The following THSD4 variants were observed in gnomAD, a reference collection of about 807,000 sequenced individuals.
THSD4 encodes thrombospondin type-1 domain-containing protein 4.
THSD4 carries 69 observed loss-of-function variants against 119.0 expected under a neutral mutation model. The ratio of observed to expected loss-of-function variants is 0.58; its 90% CI spans 0.48 to 0.71. The LOEUF is 0.71. THSD4 is among the 30% of genes least tolerant of loss of function. The probability of loss-of-function intolerance (pLI) is 0.00; values close to 1 mark genes in which losing one functional copy is unlikely to be tolerated. For synonymous variants in THSD4, 524 were observed against 540.4 expected (o/e 0.97, Z 0.42); for missense variants, 1,393 against 1,391.1 (o/e 1.00, Z -0.02).
intron 8 of THSD4, among the ~76,000 whole-genome samples, chr15:71,715,613 G>A (rs1246423818): frequency 6.6e-6 from 1 of 151,978 alleles, no homozygotes; most frequent in East Asian, 1.9e-4. Context: ...TTGTGTGTGT[G>A]TTGTAAAATC....
At chr15:71,434,434 C>CTTTTTTTT (rs34097873) in intron 7 of THSD4, among the ~76,000 whole-genome samples, 1 of 82,538 alleles carries the variant, frequency 1.2e-5, no homozygotes, top group Non-Finnish European at 2.2e-5. Flanking sequence ...TCAGTGGTCC[C>CTTTTTTTT]TTTTTTTTTT....
At chr15:71,531,680 A>G (rs2048612088) in intron 7 of THSD4, among the ~76,000 whole-genome samples, 1 of 152,246 alleles carries the variant, frequency 6.6e-6, no homozygotes, top group African/African-American at 2.4e-5. Context: ...GTCTCTTAAC[A>G]CAGTGCCTAG....
chr15:71,194,076 C>A (rs1201652985), intron 3 of THSD4, among the ~76,000 whole-genome samples: 1 of 152,184 alleles, frequency 6.6e-6, no homozygotes, highest in Non-Finnish European at 1.5e-5. Context: ...TTGCCTGCTG[C>A]CATGTAAGAT....
At chr15:71,108,713 C>T (rs886690909) in intron 1 of THSD4, among the ~76,000 whole-genome samples, 3 of 152,154 alleles carry the variant, frequency 2.0e-5, no homozygotes. Context: ...AAAATAGGGC[C>T]GGGCGTGGTA....
intron 7 of THSD4, among the ~76,000 whole-genome samples, chr15:71,578,420 G>T (rs1249063512): frequency 1.3e-5 from 2 of 151,968 alleles, no homozygotes; most frequent in Non-Finnish European, 2.9e-5. Flanking sequence ...TTCTGCCATT[G>T]ATTTCTTTTG....
intron 4 of THSD4, among the ~76,000 whole-genome samples, chr15:71,221,412 T>G (rs188375862): frequency 3.3e-5 from 5 of 152,332 alleles, no homozygotes; most frequent in African/African-American, 7.2e-5. Context: ...ACTGAAACTG[T>G]ACCCATGAAA....
intron 7 of THSD4, among the ~76,000 whole-genome samples, chr15:71,600,971 T>G (rs1009267257): frequency 1.3e-5 from 2 of 152,084 alleles, no homozygotes; most frequent in African/African-American, 4.8e-5. Context: ...GGTCTCAAAC[T>G]CCTGACCCCA....
In THSD4 at chr15:71,780,656, CCTGTCCCCGCCCCCAGGGAACT is replaced by C; in HGVS notation, c.*3283_*3304del. The C allele has an allele frequency of 4.4e-6, 2 of 456,694 alleles. No homozygotes were observed. The highest frequency in any genetic ancestry group is 4.4e-6 in the Non-Finnish European group (1 of 226,950). 28.3% of individuals were successfully genotyped at this position (456,694 alleles called of 1,614,324 possible). ...GGGGACCCCAGGGAGGGCAAGGCAG[CCTGTCCCCGCCCCCAGGGAACT>C]AGAACATGACAAGAATTCTCCGCAC... On this transcript the variant is annotated 3_prime_UTR_variant, in exon 18 of 18. Coordinates refer to ENST00000261862, the MANE Select transcript of THSD4 (RefSeq NM_024817.3).
intron 7 of THSD4, among the ~76,000 whole-genome samples, chr15:71,472,916 G>A (rs774874920): frequency 4.6e-5 from 7 of 152,154 alleles, no homozygotes; most frequent in East Asian, 1.9e-4. Flanking sequence ...ACTCTGGCAC[G>A]GAGAATACCT....
upstream of THSD4, chr15:71,111,320 T>C (rs766840679): frequency 7.4e-6 from 12 of 1,613,970 alleles, no homozygotes; most frequent in Non-Finnish European, 1.0e-5. Context: ...CTCAGAGCTG[T>C]GGCTGCAGAA....
At chr15:71,477,406 C>G (rs1055489846) in intron 7 of THSD4, among the ~76,000 whole-genome samples, 1 of 152,154 alleles carries the variant, frequency 6.6e-6, no homozygotes, top group South Asian at 2.1e-4. Context: ...CCCGCAGGCC[C>G]TGGGTATTGA....
At chr15:71,391,671 T>A (rs1190904427) in intron 6 of THSD4, among the ~76,000 whole-genome samples, 2 of 152,172 alleles carry the variant, frequency 1.3e-5, no homozygotes, top group African/African-American at 4.8e-5. Context: ...ACGCTTTCCA[T>A]TGAATCTGAG....
intron 7 of THSD4, among the ~76,000 whole-genome samples, chr15:71,454,258 A>G (rs1159022606): frequency 6.6e-6 from 1 of 152,214 alleles, no homozygotes. Context: ...CTCCATCTCA[A>G]ACAAAACAAA....
intron 15 of THSD4, among the ~76,000 whole-genome samples, chr15:71,759,662 G>A (rs1057072280): frequency 2.0e-5 from 3 of 152,174 alleles, no homozygotes; most frequent in African/African-American, 7.2e-5. Context: ...CCATAGATGT[G>A]TGAAATCATA....
chr15:71,172,376 G>C (rs2043376116), intron 3 of THSD4, among the ~76,000 whole-genome samples: 1 of 151,604 alleles, frequency 6.6e-6, no homozygotes. Flanking sequence ...TGATGTTTAT[G>C]GTTCAAGAAA....
intron 6 of THSD4, among the ~76,000 whole-genome samples, chr15:71,276,274 C>T (rs1401004116): frequency 6.6e-6 from 1 of 152,264 alleles, no homozygotes; most frequent in Non-Finnish European, 1.5e-5. Context: ...TTGAGCACAA[C>T]ATCCAGTGTA....
chr15:71,285,770 C>G (rs1170606274), intron 6 of THSD4, among the ~76,000 whole-genome samples: 1 of 134,430 alleles, frequency 7.4e-6, no homozygotes, highest in African/African-American at 2.8e-5. Context: ...AGAAGAATTG[C>G]TTGAACCTGG....
chr15:71,602,477 C>T (rs1460298879), intron 7 of THSD4, among the ~76,000 whole-genome samples: 2 of 129,972 alleles, frequency 1.5e-5, no homozygotes, highest in African/African-American at 2.8e-5. Context: ...CTCTCAAACC[C>T]GGGAGGCAGA....
intron 6 of THSD4, among the ~76,000 whole-genome samples, chr15:71,376,888 A>T (rs1364144355): frequency 6.6e-6 from 1 of 152,166 alleles, no homozygotes; most frequent in African/African-American, 2.4e-5. Flanking sequence ...TCTGGAGCTT[A>T]AACTTCATGC....
Sources: gnomAD v4.1 joint callset for allele counts (sites outside exome capture counted in the v4.1 genomes callset) on GRCh38, gnomAD v4.1.1 for gene constraint, MANE v1.5 for transcripts, NCBI Gene and HGNC (gene_info 2026-07-23, HGNC 2026-07-21) for gene names.